Variants in ZNF385D observed in about 807,000 individuals in gnomAD.
ZNF385D encodes zinc finger protein 385D.
A neutral mutation model predicts 35.8 loss-of-function variants in ZNF385D; 15 were observed. The observed-to-expected ratio is 0.42, with a 90% confidence interval of 0.28 to 0.64. The LOEUF (loss-of-function observed/expected upper bound fraction) is 0.64. Ranked by LOEUF, ZNF385D falls within the 30% of genes least tolerant of loss-of-function variation. The probability of loss-of-function intolerance (pLI) is 0.23; values close to 1 mark genes in which losing one functional copy is unlikely to be tolerated. For synonymous variants in ZNF385D, 212 were observed against 186.8 expected, an observed-to-expected ratio of 1.13 and a Z score of -1.10; for missense variants, 474 against 494.6, an observed-to-expected ratio of 0.96 and a Z score of 0.39.
At chr3:21,760,454 C>A (rs1181130260) in intron 3 of ZNF385D, among the ~76,000 whole-genome samples, 5 of 152,146 alleles carry the variant, frequency 3.3e-5, no homozygotes, top group Admixed American at 3.3e-4. Flanking sequence ...AACAAAGATT[C>A]ACCTTTGTGG....
At chr3:21,472,126 T>A (rs1200630239) in intron 4 of ZNF385D, among the ~76,000 whole-genome samples, 1 of 152,164 alleles carries the variant, frequency 6.6e-6, no homozygotes, top group East Asian at 1.9e-4. Context: ...AAAATGATCA[T>A]TTCTTACATT....
At chr3:21,862,898 T>C (rs1697135701) in intron 3 of ZNF385D, among the ~76,000 whole-genome samples, 1 of 152,180 alleles carries the variant, frequency 6.6e-6, no homozygotes, top group African/African-American at 2.4e-5. Flanking sequence ...TCAGAATTTC[T>C]GGAGCTTAAT....
intron 2 of ZNF385D, among the ~76,000 whole-genome samples, chr3:22,289,330 A>G (rs1464717997): frequency 6.6e-6 from 1 of 152,182 alleles, no homozygotes; most frequent in East Asian, 1.9e-4. Flanking sequence ...AAGCTGTTCC[A>G]TACACAATCT....
intron 3 of ZNF385D, among the ~76,000 whole-genome samples, chr3:22,090,130 A>C (rs539032826): frequency 6.6e-6 from 1 of 152,228 alleles, no homozygotes. Flanking sequence ...GAGCCACAGC[A>C]CCCAGCTTGT....
chr3:22,001,181 C>G (rs974490560), intron 3 of ZNF385D, among the ~76,000 whole-genome samples: 1 of 151,960 alleles, frequency 6.6e-6, no homozygotes, highest in Non-Finnish European at 1.5e-5. Context: ...ACTAAATTCC[C>G]TACTTAAAAG....
At chr3:21,763,859 G>A (rs976059288) in intron 3 of ZNF385D, among the ~76,000 whole-genome samples, 13 of 152,146 alleles carry the variant, frequency 8.5e-5, no homozygotes, top group Admixed American at 5.9e-4. Context: ...ACATTAAAAT[G>A]TTTTCATTAA....
At chr3:22,059,244 A>G (rs1699569651) in intron 3 of ZNF385D, among the ~76,000 whole-genome samples, 3 of 152,154 alleles carry the variant, frequency 2.0e-5, no homozygotes, top group African/African-American at 7.2e-5. Context: ...GTGTGTGGGT[A>G]AGGGAGGAAA....
chr3:21,480,986 A>G (rs1704591102), intron 4 of ZNF385D, among the ~76,000 whole-genome samples: 1 of 152,140 alleles, frequency 6.6e-6, no homozygotes, highest in South Asian at 2.1e-4. Context: ...CATTTATTTT[A>G]TTTTCAAGAT....
intron 3 of ZNF385D, among the ~76,000 whole-genome samples, chr3:21,873,978 ATTTCAT>A (rs1206511882): frequency 5.8e-5 from 3 of 51,514 alleles, no homozygotes; most frequent in Non-Finnish European, 1.7e-4. Context: ...CAAGATCCTG[ATTTCAT>A]TTTTTTTTTT....
At chr3:22,298,058 G>C (rs1010460121) in intron 2 of ZNF385D, among the ~76,000 whole-genome samples, 2 of 151,962 alleles carry the variant, frequency 1.3e-5, no homozygotes, top group Non-Finnish European at 2.9e-5. Context: ...GTATGTTTCA[G>C]AACTTCTCCT....
chr3:21,457,110 A>G lies in ZNF385D; in HGVS notation c.440-19907T>C, dbSNP rs193221435. 2.0e-5 allele frequency among the ~76,000 whole-genome samples: 3 copies of G among 152,316 alleles called. No individual in the cohort carries two copies. In the East Asian group the frequency reaches 5.8e-4, roughly 29 times the overall value. On this transcript the variant is annotated intron_variant, in intron 4 of 7. Transcript: ENST00000281523. ...TAGCGTCTAGAATGGTTACCAAAAC[A>G]TAATAGATTCCCAATAAATATTTCT...
At chr3:21,871,706 G>T (rs1215544260) in intron 3 of ZNF385D, among the ~76,000 whole-genome samples, 1 of 152,058 alleles carries the variant, frequency 6.6e-6, no homozygotes, top group Non-Finnish European at 1.5e-5. Flanking sequence ...CTTAGGAACA[G>T]TTTTAAAAAT....
intron 3 of ZNF385D, among the ~76,000 whole-genome samples, chr3:21,796,855 G>A (rs986064030): frequency 6.6e-6 from 1 of 152,132 alleles, no homozygotes; most frequent in Non-Finnish European, 1.5e-5. Context: ...AGTCCACAAG[G>A]CACTGGTAAC....
intron 3 of ZNF385D, among the ~76,000 whole-genome samples, chr3:21,779,850 A>T (rs952499020): frequency 6.6e-6 from 1 of 151,968 alleles, no homozygotes; most frequent in Non-Finnish European, 1.5e-5. Context: ...TTTATTCCAA[A>T]TAATTTATTC....
intron 3 of ZNF385D, among the ~76,000 whole-genome samples, chr3:21,898,541 G>T (rs772884721): frequency 3.3e-5 from 5 of 152,038 alleles, no homozygotes; most frequent in African/African-American, 1.2e-4. Flanking sequence ...TACTGGAAAA[G>T]AACTAAAGTA....
chr3:21,456,636 A>C (rs1391370660), intron 4 of ZNF385D, among the ~76,000 whole-genome samples: 2 of 152,190 alleles, frequency 1.3e-5, no homozygotes, highest in Non-Finnish European at 2.9e-5. Context: ...ACCTAATGTA[A>C]ATGACAAGTT....
At chr3:21,977,638 T>C (rs1703715021) in intron 3 of ZNF385D, among the ~76,000 whole-genome samples, 2 of 151,940 alleles carry the variant, frequency 1.3e-5, no homozygotes, top group Middle Eastern at 3.4e-3. Context: ...GGGTAACACA[T>C]GAAAACGCCA....
chr3:21,430,064 T>TA (rs2125214476), intron 5 of ZNF385D, among the ~76,000 whole-genome samples: 1 of 152,238 alleles, frequency 6.6e-6, no homozygotes, highest in East Asian at 1.9e-4. Flanking sequence ...TGTGTTCTTT[T>TA]AAAAATCTCT....
chr3:21,893,351 AAAT>A (rs1698977214), intron 3 of ZNF385D, among the ~76,000 whole-genome samples: 2 of 152,200 alleles, frequency 1.3e-5, no homozygotes, highest in South Asian at 4.1e-4. Flanking sequence ...ACATGGTAAA[AAAT>A]AATAACAAAC....
Sources: gnomAD v4.1 joint callset for allele counts (sites outside exome capture counted in the v4.1 genomes callset) on GRCh38, gnomAD v4.1.1 for gene constraint, MANE v1.5 for transcripts, NCBI Gene and HGNC (gene_info 2026-07-23, HGNC 2026-07-21) for gene names.